The following BICC1 variants were observed in gnomAD, a reference collection of about 807,000 sequenced individuals.
BICC1 encodes BicC family RNA binding protein 1, also known as protein bicaudal C homolog 1.
In BICC1, 43 loss-of-function variants were observed where a neutral mutation model predicts 111.0. The observed-to-expected ratio is 0.39, with a 90% CI of 0.30 to 0.50. BICC1 has a LOEUF of 0.50. BICC1 is among the 20% of genes least tolerant of loss of function. The pLI, the probability that BICC1 is intolerant of heterozygous loss-of-function variation, is 0.88. For synonymous variants in BICC1, 467 were observed against 434.4 expected (o/e 1.07, Z -0.93); for missense variants, 1,091 against 1,203.2 (o/e 0.91, Z 1.38).
chr10:58,593,452 C>T (rs966236344), intron 1 of BICC1, among the ~76,000 whole-genome samples: 4 of 152,130 alleles, frequency 2.6e-5, no homozygotes, highest in Non-Finnish European at 1.5e-5. Flanking sequence ...CTGGGAGACA[C>T]CTCCCAGTAG....
At chr10:58,693,712 G>GT (rs911606963) in intron 2 of BICC1, among the ~76,000 whole-genome samples, 5 of 151,922 alleles carry the variant, frequency 3.3e-5, no homozygotes, top group African/African-American at 1.2e-4. Context: ...GGGGTTGTTT[G>GT]TTTTTTTCTT....
chr10:58,593,721 C>T (rs1463965700), intron 1 of BICC1, among the ~76,000 whole-genome samples: 1 of 152,100 alleles, frequency 6.6e-6, no homozygotes, highest in Non-Finnish European at 1.5e-5. Flanking sequence ...ATCCGAAGGT[C>T]ACCAACACCA....
At chr10:58,733,431 C>G (rs1841378349) in intron 3 of BICC1, among the ~76,000 whole-genome samples, 1 of 152,216 alleles carries the variant, frequency 6.6e-6, no homozygotes, top group Non-Finnish European at 1.5e-5. Flanking sequence ...GTATACTTAG[C>G]TTTATGCTCA....
intron 2 of BICC1, among the ~76,000 whole-genome samples, chr10:58,694,685 C>G (rs1358348331): frequency 2.6e-5 from 4 of 152,166 alleles, no homozygotes; most frequent in Non-Finnish European, 5.9e-5. Flanking sequence ...CTGTTAACAA[C>G]CACAATGCTT....
chr10:58,549,310 A>G (rs1296369696), intron 1 of BICC1, among the ~76,000 whole-genome samples: 1 of 152,222 alleles, frequency 6.6e-6, no homozygotes, highest in Non-Finnish European at 1.5e-5. Flanking sequence ...TCAAAGGAGC[A>G]CAATTGCTAT....
At chr10:58,599,252 A>C (rs1342086448) in intron 1 of BICC1, among the ~76,000 whole-genome samples, 2 of 152,188 alleles carry the variant, frequency 1.3e-5, no homozygotes, top group Non-Finnish European at 2.9e-5. Flanking sequence ...AACCAACCCA[A>C]ATGTACCTCA....
At chr10:58,732,791 CACAA>C (rs1841357048) in intron 3 of BICC1, among the ~76,000 whole-genome samples, 1 of 151,916 alleles carries the variant, frequency 6.6e-6, no homozygotes, top group Non-Finnish European at 1.5e-5. Context: ...CACACACACA[CACAA>C]AATTGCTGTC....
intron 1 of BICC1, among the ~76,000 whole-genome samples, chr10:58,520,304 G>A (rs1371530334): frequency 6.6e-6 from 1 of 152,164 alleles, no homozygotes; most frequent in Non-Finnish European, 1.5e-5. Flanking sequence ...TGGTTTTGGT[G>A]TGTGGGGATG....
At chr10:58,698,364 T>C (rs1472971854) in intron 2 of BICC1, among the ~76,000 whole-genome samples, 2 of 152,144 alleles carry the variant, frequency 1.3e-5, no homozygotes, top group Non-Finnish European at 2.9e-5. Flanking sequence ...CCCTCTCTTC[T>C]TTTTCCAGAC....
At chr10:58,561,374 G>C (rs1843599069) in intron 1 of BICC1, among the ~76,000 whole-genome samples, 1 of 151,576 alleles carries the variant, frequency 6.6e-6, no homozygotes, top group Non-Finnish European at 1.5e-5. Flanking sequence ...CTCCCATTTA[G>C]TTTTGGTTTC....
At chr10:58,561,165 G>A (rs903052578) in intron 1 of BICC1, among the ~76,000 whole-genome samples, 2 of 151,888 alleles carry the variant, frequency 1.3e-5, no homozygotes, top group African/African-American at 2.4e-5. Context: ...ATTGGGGCCT[G>A]TCTCTCCCTT....
chr10:58,737,634 A>G (rs942171433), intron 3 of BICC1, among the ~76,000 whole-genome samples: 1 of 152,218 alleles, frequency 6.6e-6, no homozygotes, highest in Admixed American at 6.5e-5. Flanking sequence ...TGGCTGGGTC[A>G]AATGGTATTT....
intron 1 of BICC1, among the ~76,000 whole-genome samples, chr10:58,556,948 G>A (rs757436080): frequency 1.3e-4 from 20 of 152,010 alleles, no homozygotes; most frequent in South Asian, 4.1e-4. Flanking sequence ...CCTAAAGGAT[G>A]TCTACATTCT....
chr10:58,746,194 T>A (rs1276099597), intron 3 of BICC1, among the ~76,000 whole-genome samples: 1 of 152,158 alleles, frequency 6.6e-6, no homozygotes, highest in Non-Finnish European at 1.5e-5. Context: ...CTTTGAGACA[T>A]CTTTTTCCTA....
chr10:58,813,390 C>T (rs1468558870), intron 17 of BICC1, among the ~76,000 whole-genome samples: 1 of 152,074 alleles, frequency 6.6e-6, no homozygotes, highest in East Asian at 1.9e-4. Context: ...CAACCTCAGG[C>T]TCTATTAGCA....
chr10:58,678,392 C>T (rs890639500), intron 2 of BICC1, among the ~76,000 whole-genome samples: 1 of 152,082 alleles, frequency 6.6e-6, no homozygotes, highest in Non-Finnish European at 1.5e-5. Flanking sequence ...GCAGGGGTTG[C>T]AATTCTAGTC....
chr10:58,567,793 A>G (rs1408734841), intron 1 of BICC1, among the ~76,000 whole-genome samples: 2 of 152,024 alleles, frequency 1.3e-5, no homozygotes, highest in African/African-American at 4.8e-5. Flanking sequence ...AGACTCCCTG[A>G]TCAATTGTGC....
intron 19 of BICC1, 70 bp downstream of exon 19, chr10:58,817,792 C>A: frequency 7.0e-7 from 1 of 1,437,734 alleles, no homozygotes; most frequent in Non-Finnish European, 9.4e-7. Context: ...AGAATGAAAT[C>A]ACTTATTGAC....
At chr10:58,765,242 G>C (rs1327620202) in intron 3 of BICC1, among the ~76,000 whole-genome samples, 1 of 151,996 alleles carries the variant, frequency 6.6e-6, no homozygotes, top group African/African-American at 2.4e-5. Context: ...TTTTGGTAGA[G>C]ATGGGGTTTC....
Sources: gnomAD v4.1 joint callset for allele counts (sites outside exome capture counted in the v4.1 genomes callset) on GRCh38, gnomAD v4.1.1 for gene constraint, MANE v1.5 for transcripts, NCBI Gene and HGNC (gene_info 2026-07-23, HGNC 2026-07-21) for gene names.